ALPK2: variants seen among roughly 807,000 people sequenced by gnomAD.
The protein encoded by ALPK2 is alpha kinase 2, also known as alpha-protein kinase 2.
In ALPK2, 127 loss-of-function variants were observed where a neutral mutation model predicts 163.1. The ratio of observed to expected loss-of-function variants is 0.78; its 90% CI spans 0.67 to 0.90. The LOEUF (loss-of-function observed/expected upper bound fraction) is 0.90. Among genes scored for constraint, ALPK2 ranks in the 40% least tolerant of loss-of-function variants. The pLI, the probability that ALPK2 is intolerant of heterozygous loss-of-function variation, is 0.00. For synonymous variants in ALPK2, 953 were observed against 959.1 expected (o/e 0.99, Z 0.12); for missense variants, 2,360 against 2,589.6 (o/e 0.91, Z 1.92).
At chr18:58,557,362 C>T (rs957245484) in intron 4 of ALPK2, among the ~76,000 whole-genome samples, 11 of 151,952 alleles carry the variant, frequency 7.2e-5, no homozygotes, top group African/African-American at 2.4e-4. Flanking sequence ...CATTAGACAT[C>T]GTCCAAACCC....
chr18:58,592,881 G>A (rs2052021469), intron 3 of ALPK2, among the ~76,000 whole-genome samples: 1 of 152,188 alleles, frequency 6.6e-6, no homozygotes. Context: ...CCGGTGACAT[G>A]AGGATTAAGG....
rs200981978 is a variant in ALPK2 at position 58,529,084 on chromosome 18, A to G, written c.5501+7T>C. ...CTGTGAAAAGTAACCAGGGAAAAACATCGCACCTTCTCTGCACTTGGGCTA... is the reference window on the plus strand; with the variant it reads ...CTGTGAAAAGTAACCAGGGAAAAACGTCGCACCTTCTCTGCACTTGGGCTA... On this transcript the variant is annotated splice_region_variant and intron_variant, in intron 6 of 12. Coordinates refer to ENST00000361673, the MANE Select transcript of ALPK2 (RefSeq NM_052947.4). The G allele has an allele frequency of 2.9e-4, 463 of 1,614,132 alleles. No homozygotes were observed. The African/African-American group carries it at 4.2e-3, about 15-fold the overall frequency.
At chr18:58,541,414 C>G (rs948079671) in intron 4 of ALPK2, among the ~76,000 whole-genome samples, 1 of 152,282 alleles carries the variant, frequency 6.6e-6, no homozygotes, top group Non-Finnish European at 1.5e-5. Flanking sequence ...CCAATCACCT[C>G]CCACTGGGCC....
At chr18:58,546,772 A>T (rs2051719784) in intron 4 of ALPK2, among the ~76,000 whole-genome samples, 1 of 152,162 alleles carries the variant, frequency 6.6e-6, no homozygotes, top group South Asian at 2.1e-4. Flanking sequence ...TCCTGCATAG[A>T]TGATGGGAGA....
chr18:58,552,417 C>G, intron 4 of ALPK2, among the ~76,000 whole-genome samples: 1 of 152,138 alleles, frequency 6.6e-6, no homozygotes, highest in East Asian at 1.9e-4. Context: ...AATAACACCC[C>G]AGCTGGGCAA....
At chr18:58,591,945 G>A (rs1432936834) in intron 3 of ALPK2, among the ~76,000 whole-genome samples, 2 of 152,344 alleles carry the variant, frequency 1.3e-5, no homozygotes, top group East Asian at 1.9e-4. Flanking sequence ...AGCCCAGATC[G>A]TGGAAGGTTT....
chr18:58,536,660 G>A lies in ALPK2; in HGVS notation c.3527C>T (p.Pro1176Leu). Residue 1176 changes from proline to leucine, a missense_variant, in exon 5 of 13, where the codon CCC (proline) becomes CTC (leucine). Physicochemically the swap from Pro to Leu is moderately conservative, Grantham distance 98 (BLOSUM62 -3). Coordinates refer to ENST00000361673, the MANE Select transcript of ALPK2 (RefSeq NM_052947.4). ...CCCTGCTCCTTCCCTAGAGCTTGCGGGTGAGTGGGCCGTGGGCACCAAGTT... is the reference window on the plus strand; with the variant it reads ...CCCTGCTCCTTCCCTAGAGCTTGCGAGTGAGTGGGCCGTGGGCACCAAGTT... The part of the protein sequence containing the change: ...ERNLVPTAHS[P>L]ASSREGAGQR... 1 of 1,614,146 alleles carries A rather than the reference G, an allele frequency of 6.2e-7. No individual in the cohort carries two copies. Among genetic ancestry groups the A allele is most frequent in the Non-Finnish European group, 8.5e-7 (1 of 1,180,016 alleles).
rs941093759 is a variant in ALPK2 at position 58,533,637 on chromosome 18, G to A, written c.5353+1197C>T. ...ACCCAGCTAATTTTTTGTATTTTTC[G>A]TAGAGATGGGGTTTCGCCATGTTGC... On this transcript the variant is annotated intron_variant, in intron 5 of 12. Transcript: ENST00000361673. 4.0e-5 allele frequency among the ~76,000 whole-genome samples: 6 copies of A among 151,880 alleles called. No homozygotes were observed. In the South Asian group the frequency reaches 6.3e-4, roughly 16 times the overall value.
rs539268936 is a variant in ALPK2, at chr18:58,584,561, A to G, written c.228-4013T>C. Among the ~76,000 whole-genome samples, 350 of 152,204 alleles carry G rather than the reference A, an allele frequency of 2.3e-3. 2 individuals carry two copies. The highest frequency in any genetic ancestry group is 7.9e-3 in the African/African-American group (326 of 41,516). On this transcript the variant is annotated intron_variant, in intron 3 of 12. Transcript: ENST00000361673. The stretch of plus-strand genomic sequence containing the variant: ...ACAGTGTAGAGATCATTCTGCAAAT[A>G]AAGTGTTTCTGTCCTAAGTCTTCAA...
intron 1 of ALPK2, among the ~76,000 whole-genome samples, chr18:58,623,511 G>C (rs1266507396): frequency 6.6e-6 from 1 of 151,638 alleles, no homozygotes; most frequent in South Asian, 2.1e-4. Flanking sequence ...CTTTCACCCC[G>C]CTGGAGTGCA....
intron 4 of ALPK2, among the ~76,000 whole-genome samples, chr18:58,557,546 TC>T (rs1362137943): frequency 1.3e-5 from 2 of 152,114 alleles, no homozygotes; most frequent in African/African-American, 4.8e-5. Flanking sequence ...TCTCTGTACT[TC>T]CTGCTCAATT....
In ALPK2 at chr18:58,554,103, C is replaced by T. The variant is rs542574560; in HGVS notation, c.1963-15879G>A. On this transcript the variant is annotated intron_variant, in intron 4 of 12. Transcript: ENST00000361673. ...CTCAAACTCCTGACCTCAAGTGATC[C>T]GCTGCCTCGGCCTCCCAAAATGCTG... Among the ~76,000 whole-genome samples, 22 of 152,158 alleles carry T rather than the reference C, an allele frequency of 1.4e-4. No homozygotes were observed. In the South Asian group the frequency reaches 2.9e-3, roughly 20 times the overall value.
intron 10 of ALPK2, 99 bp downstream of exon 10, chr18:58,514,894 C>T: frequency 1.3e-6 from 1 of 781,990 alleles, no homozygotes; most frequent in Non-Finnish European, 2.0e-6. Context: ...ACTGAGAGAT[C>T]AGCTGAAACA....
Position 58,553,245 on chromosome 18 carries a change from G to A in ALPK2, c.1963-15021C>T, listed in dbSNP as rs184720909. Among the ~76,000 whole-genome samples the A allele has an allele frequency of 5.9e-5, 9 of 152,262 alleles. No individual in the cohort carries two copies. The South Asian group carries it at 6.2e-4, about 11-fold the overall frequency. Reference sequence around the variant, plus strand: ...AATGTCTGATGCTTGAAGGCACCCCGGTTTTGGGTGCTTTGTTATGGCAGC... The same window carrying A: ...AATGTCTGATGCTTGAAGGCACCCCAGTTTTGGGTGCTTTGTTATGGCAGC... On this transcript the variant is annotated intron_variant, in intron 4 of 12. Coordinates refer to ENST00000361673, the MANE Select transcript of ALPK2 (RefSeq NM_052947.4).
chr18:58,571,290 C>T (rs1284093701), intron 4 of ALPK2, among the ~76,000 whole-genome samples: 2 of 151,978 alleles, frequency 1.3e-5, no homozygotes, highest in Non-Finnish European at 2.9e-5. Flanking sequence ...CAAAATGCTG[C>T]GACTACAGGT....
rs780679646 is a variant in ALPK2, at chr18:58,579,952, G to A, written c.824C>T (p.Pro275Leu). Residue 275 changes from proline to leucine, a missense_variant, in exon 4 of 13, where the codon CCG becomes CTG. Transcript: ENST00000361673. ...AATGTGTGCAGTTGCCTCAGATAGC[G>A]GGAGGCTGAAGCTAATGTATTTCTG... ...KVQKYISFSL[P>L]LSEATAHIYP... 1.7e-5 allele frequency: 28 copies of A among 1,614,036 alleles called. No homozygotes were observed. The highest frequency in any genetic ancestry group is 1.6e-4 in the Middle Eastern group (1 of 6,084).
intron 3 of ALPK2, among the ~76,000 whole-genome samples, chr18:58,605,179 C>G (rs1265890359): frequency 6.6e-6 from 1 of 152,046 alleles, no homozygotes; most frequent in African/African-American, 2.4e-5. Flanking sequence ...AACTATAGCC[C>G]GCAGGCCAAA....
chr18:58,596,255 C>A (rs977717087), intron 3 of ALPK2, among the ~76,000 whole-genome samples: 1 of 152,230 alleles, frequency 6.6e-6, no homozygotes, highest in African/African-American at 2.4e-5. Context: ...GTCTGCCGTT[C>A]TGTTGTCAGG....
intron 4 of ALPK2, among the ~76,000 whole-genome samples, chr18:58,570,615 T>C (rs2051880944): frequency 6.6e-6 from 1 of 152,238 alleles, no homozygotes; most frequent in South Asian, 2.1e-4. Context: ...TGTGAATACA[T>C]ACATCATTTA....
Sources: allele counts gnomAD v4.1 joint callset (sites outside exome capture counted in the v4.1 genomes callset), GRCh38; gene constraint gnomAD v4.1.1; transcripts MANE v1.5; gene names NCBI Gene and HGNC (gene_info 2026-07-23, HGNC 2026-07-21).